GAN: variants seen among roughly 807,000 people sequenced by gnomAD.
GAN encodes epididymis secretory sperm binding protein.
GAN carries 48 observed loss-of-function variants against 71.3 expected under a neutral mutation model. The ratio of observed to expected loss-of-function variants is 0.67; its 90% CI spans 0.53 to 0.86. The LOEUF is 0.86. GAN is among the 40% of genes least tolerant of loss of function. The probability of loss-of-function intolerance (pLI) is 0.00; values close to 1 mark genes in which losing one functional copy is unlikely to be tolerated. For synonymous variants in GAN, 386 were observed against 276.8 expected (o/e 1.39, Z -3.92); for missense variants, 928 against 770.1 (o/e 1.21, Z -2.43).
At chr16:81,333,019 C>G (rs4888141) in intron 1 of GAN, among the ~76,000 whole-genome samples, 33,705 of 152,002 alleles carry the variant, frequency 0.22, 5,471 homozygotes, top group East Asian at 0.68. Context: ...GTGGGCAGAT[C>G]ACAAGGTCAG....
chr16:81,367,332 G>A (rs753299682), intron 9 of GAN, among the ~76,000 whole-genome samples: 2 of 151,978 alleles, frequency 1.3e-5, no homozygotes, highest in African/African-American at 4.8e-5. Flanking sequence ...AAACCAGCCC[G>A]GCCAACATGG....
At chr16:81,318,271 A>T (rs578061695) in intron 1 of GAN, among the ~76,000 whole-genome samples, 2 of 152,312 alleles carry the variant, frequency 1.3e-5, no homozygotes, top group Non-Finnish European at 2.9e-5. Context: ...AAAGTTTGGT[A>T]ATCTCTGAAG....
At position 81,354,828 on chromosome 16, in the gene GAN, TTTC is replaced by T. The variant is rs1395027180; in HGVS notation, c.633+80_633+82del. Reference sequence around the variant, plus strand: ...TAATTCAAATTTTAGTTGTTTTATTTTTCTTCTTCATCATGAAAGACTTACGAT... The same window carrying T: ...TAATTCAAATTTTAGTTGTTTTATTTTTCTTCATCATGAAAGACTTACGAT... On this transcript the variant is annotated intron_variant, in intron 3 of 10. Coordinates refer to ENST00000648994, the MANE Select transcript of GAN (RefSeq NM_022041.4). The T allele has an allele frequency of 5.8e-6, 5 of 864,488 alleles. No homozygotes were observed. In the African/African-American group the frequency reaches 6.8e-5, roughly 12 times the overall value. The allele number at this position is 864,488 out of a possible 1,614,324, so 53.6% of individuals were successfully genotyped here. A position where few individuals can be genotyped will look rare whatever the true frequency, so the allele number is the denominator to read the frequency against.
At chr16:81,350,738 C>T (rs941302098) in intron 1 of GAN, among the ~76,000 whole-genome samples, 1 of 152,088 alleles carries the variant, frequency 6.6e-6, no homozygotes, top group Non-Finnish European at 1.5e-5. Flanking sequence ...AGGCTGGCCT[C>T]GAACTCCTGG....
At chr16:81,329,471 T>C (rs1909501301) in intron 1 of GAN, among the ~76,000 whole-genome samples, 1 of 152,244 alleles carries the variant, frequency 6.6e-6, no homozygotes. Flanking sequence ...ACCAGGCTTC[T>C]TGAAAGAAAA....
chr16:81,360,084 C>T (rs1307841135), intron 5 of GAN, among the ~76,000 whole-genome samples: 1 of 147,982 alleles, frequency 6.8e-6, no homozygotes, highest in Non-Finnish European at 1.5e-5. Flanking sequence ...GATGGACAGA[C>T]AGATAGGTAG....
intron 5 of GAN, among the ~76,000 whole-genome samples, chr16:81,360,555 G>T (rs1245085787): frequency 6.6e-6 from 1 of 150,440 alleles, no homozygotes; most frequent in Admixed American, 6.6e-5. Flanking sequence ...TGATTAATCT[G>T]CTATTACATT....
intron 1 of GAN, among the ~76,000 whole-genome samples, chr16:81,349,811 A>AC (rs146410736): frequency 0.023 from 3,437 of 152,304 alleles, 68 homozygotes; most frequent in East Asian, 0.082. Context: ...TATTTGGATT[A>AC]CAGTATTTGA....
chr16:81,315,812 ACAG>A (rs1909019705), intron 1 of GAN, among the ~76,000 whole-genome samples: 2 of 152,376 alleles, frequency 1.3e-5, no homozygotes, highest in South Asian at 2.1e-4. Flanking sequence ...GGGAGGCCAG[ACAG>A]ACAGCGCCTC....
At chr16:81,337,935 G>T (rs775429481) in intron 1 of GAN, among the ~76,000 whole-genome samples, 4 of 152,112 alleles carry the variant, frequency 2.6e-5, no homozygotes, top group Non-Finnish European at 4.4e-5. Context: ...AAGCCTCTAG[G>T]ACTCACTAGG....
At chr16:81,364,895 GC>G (rs1910797707) in intron 7 of GAN, 78 bp from the exon 8 acceptor site, 2 of 1,373,760 alleles carry the variant, frequency 1.5e-6, no homozygotes, top group Admixed American at 3.3e-5. Flanking sequence ...TTTAAGTATG[GC>G]CCAGACAGTT....
intron 1 of GAN, among the ~76,000 whole-genome samples, chr16:81,330,096 C>T (rs1567480972): frequency 6.6e-6 from 1 of 152,348 alleles, no homozygotes; most frequent in East Asian, 1.9e-4. Context: ...AATCTGCCTT[C>T]TCTTCACCAT....
At chr16:81,342,872 G>C (rs888452387) in intron 1 of GAN, among the ~76,000 whole-genome samples, 1 of 152,144 alleles carries the variant, frequency 6.6e-6, no homozygotes, top group African/African-American at 2.4e-5. Flanking sequence ...AAAATGGTTA[G>C]ACTGCTAGCA....
At chr16:81,371,481 G>A (rs1019155680) in intron 9 of GAN, among the ~76,000 whole-genome samples, 1 of 152,166 alleles carries the variant, frequency 6.6e-6, no homozygotes, top group African/African-American at 2.4e-5. Flanking sequence ...CAATTGACTT[G>A]GTTAGACTTA....
At position 81,337,943 on chromosome 16, in the gene GAN, AG is replaced by A. The variant is rs553365970; in HGVS notation, c.168-13637del. Among the ~76,000 whole-genome samples, 104 of 152,320 alleles carry A rather than the reference AG, an allele frequency of 6.8e-4. 1 individual carries two copies. In the South Asian group the frequency reaches 9.5e-3, roughly 14 times the overall value. ...CAGAGTTAAGCCTCTAGGACTCACT[AG>A]GGTAGGTCTCAGGGCTGAGTCTCTG... On this transcript the variant is annotated intron_variant, in intron 1 of 10. Coordinates refer to ENST00000648994, the MANE Select transcript of GAN (RefSeq NM_022041.4).
intron 1 of GAN, among the ~76,000 whole-genome samples, chr16:81,334,865 G>T (rs76443898): frequency 0.021 from 3,212 of 152,224 alleles, 57 homozygotes; most frequent in East Asian, 0.081. Context: ...ACCTGGCTGC[G>T]TGCTCATTTA....
At chr16:81,358,699 G>C (rs1458698806) in intron 5 of GAN, among the ~76,000 whole-genome samples, 1 of 152,122 alleles carries the variant, frequency 6.6e-6, no homozygotes, top group East Asian at 1.9e-4. Flanking sequence ...TATGGAAAAT[G>C]CTTTACTTGA....
rs1264531162 is a variant in GAN at position 81,383,690 on chromosome 16, T to A, written c.*6094T>A. ...TGTTGAGCTTCCTTCTGTGCACACA[T>A]TGAAAGAAAACCAGAAATTGTACAG... On this transcript the variant is annotated 3_prime_UTR_variant, in exon 11 of 11. Transcript: ENST00000648994. 6.6e-6 allele frequency: 1 copy of A among 152,010 alleles called. No homozygotes were observed. The highest frequency in any genetic ancestry group is 2.4e-5 in the African/African-American group (1 of 41,392). The allele number at this position is 152,010 out of a possible 1,614,324, so 9.4% of individuals were successfully genotyped here. A position where few individuals can be genotyped will look rare whatever the true frequency, so the allele number is the denominator to read the frequency against.
Position 81,355,602 on chromosome 16 carries a change from A to G in GAN, c.633+847A>G, listed in dbSNP as rs187394588. 3.0e-3 allele frequency among the ~76,000 whole-genome samples: 453 copies of G among 152,278 alleles called. 3 individuals carry two copies. Among genetic ancestry groups the G allele is most frequent in the Admixed American group, 4.5e-3 (69 of 15,284 alleles). On this transcript the variant is annotated intron_variant, in intron 3 of 10. Coordinates refer to ENST00000648994, the MANE Select transcript of GAN (RefSeq NM_022041.4). ...GGTCTCAAACTCCTGTGCTCAAGCAATCCTCCCACTCTAGCTTCCCAAAGT... is the reference window on the plus strand; with the variant it reads ...GGTCTCAAACTCCTGTGCTCAAGCAGTCCTCCCACTCTAGCTTCCCAAAGT...
Sources: gnomAD v4.1 joint callset for allele counts (sites outside exome capture counted in the v4.1 genomes callset) on GRCh38, gnomAD v4.1.1 for gene constraint, MANE v1.5 for transcripts, NCBI Gene and HGNC (gene_info 2026-07-23, HGNC 2026-07-21) for gene names.